SPECC1L: variants seen among roughly 807,000 people sequenced by gnomAD.
The protein encoded by SPECC1L is cytospin-A.
A neutral mutation model predicts 116.8 loss-of-function variants in SPECC1L; 40 were observed. The observed-to-expected ratio is 0.34, with a 90% confidence interval of 0.27 to 0.45. The LOEUF is 0.45. SPECC1L is among the 20% of genes least tolerant of loss of function. The pLI is 1.00. For missense variants in SPECC1L, 1,110 were observed against 1,373.6 expected, an observed-to-expected ratio of 0.81 and a Z score of 3.03; for synonymous variants, 504 against 500.6, an observed-to-expected ratio of 1.01 and a Z score of -0.09.
intron 1 of SPECC1L, 142 bp from the exon 2 acceptor site, chr22:24,276,558 A>T: frequency 3.5e-6 from 1 of 287,182 alleles, no homozygotes; most frequent in Non-Finnish European, 6.9e-6. Flanking sequence ...TCTTGAGCCT[A>T]GGAGTTTGAG....
chr22:24,324,092 A>G, intron 5 of SPECC1L, 128 bp from the exon 6 acceptor site: 1 of 748,694 alleles, frequency 1.3e-6, no homozygotes, highest in Non-Finnish European at 2.4e-6. Context: ...GTTATTACAC[A>G]GGTTGTTTTA....
intron 16 of SPECC1L, among the ~76,000 whole-genome samples, chr22:24,412,918 C>T (rs1180143845): frequency 1.7e-5 from 1 of 58,322 alleles, no homozygotes; most frequent in East Asian, 6.7e-4. Flanking sequence ...TTTTATCTCA[C>T]GTGAAACACC....
At chr22:24,316,480 C>G (rs1213817380) in intron 4 of SPECC1L, among the ~76,000 whole-genome samples, 4 of 151,306 alleles carry the variant, frequency 2.6e-5, no homozygotes, top group African/African-American at 9.8e-5. Flanking sequence ...GGTGATGACT[C>G]TGAACGAGCA....
At chr22:24,360,313 A>G (rs1363063375) in intron 11 of SPECC1L, among the ~76,000 whole-genome samples, 3 of 152,242 alleles carry the variant, frequency 2.0e-5, no homozygotes, top group Non-Finnish European at 4.4e-5. Context: ...TGATTCTCAC[A>G]GTGGAAATAC....
At chr22:24,309,457 G>T (rs1281860499) in intron 3 of SPECC1L, among the ~76,000 whole-genome samples, 1 of 152,136 alleles carries the variant, frequency 6.6e-6, no homozygotes, top group Non-Finnish European at 1.5e-5. Flanking sequence ...CTGGAGTACA[G>T]TGGCGAGATC....
chr22:24,334,271 C>A, intron 8 of SPECC1L, 139 bp from the exon 9 acceptor site: 1 of 814,964 alleles, frequency 1.2e-6, no homozygotes. Context: ...CTCGGCCTCC[C>A]AAAGTGCTGG....
chr22:24,299,339 AG>A (rs1205429266), intron 2 of SPECC1L, among the ~76,000 whole-genome samples: 1 of 152,132 alleles, frequency 6.6e-6, no homozygotes, highest in Admixed American at 6.5e-5. Context: ...CGGGAGGCTG[AG>A]GTGGCAGGAT....
Position 24,321,277 on chromosome 22 carries a change from T to G in SPECC1L, c.308-11T>G. 6.2e-7 allele frequency: 1 copy of G among 1,613,256 alleles called. No individual in the cohort carries two copies. The highest frequency in any genetic ancestry group is 8.5e-7 in the Non-Finnish European group (1 of 1,180,022). On this transcript the variant is annotated splice_polypyrimidine_tract_variant and intron_variant, in intron 4 of 16. Transcript: ENST00000314328. Reference sequence around the variant, plus strand: ...CATTTTTGCCTTACATTTTTTGTATTAAACACATAGGCACAGCTTCTTCAA... The same window carrying G: ...CATTTTTGCCTTACATTTTTTGTATGAAACACATAGGCACAGCTTCTTCAA...
At chr22:24,280,785 G>C (rs1286068307) in intron 2 of SPECC1L, among the ~76,000 whole-genome samples, 6 of 151,868 alleles carry the variant, frequency 4.0e-5, no homozygotes, top group Admixed American at 3.9e-4. Context: ...CACCATGTTG[G>C]CCAGGCTGGT....
intron 2 of SPECC1L, among the ~76,000 whole-genome samples, chr22:24,290,353 C>G (rs574166601): frequency 6.6e-6 from 1 of 152,302 alleles, no homozygotes; most frequent in African/African-American, 2.4e-5. Context: ...GGAGGTAGAT[C>G]TGGATGCCAT....
Position 24,413,077 on chromosome 22 carries a change from AAC to A in SPECC1L, c.3264+373_3264+374del, listed in dbSNP as rs2042731740. Among the ~76,000 whole-genome samples the A allele has an allele frequency of 2.0e-5, 3 of 152,274 alleles. No homozygotes were observed. In the South Asian group the frequency reaches 6.2e-4, roughly 32 times the overall value. On this transcript the variant is annotated intron_variant, in intron 16 of 16. Transcript: ENST00000314328. ...TATGTTTATAAATCTCGCTGTCAAA[AAC>A]ACCACACCAGCAGGTCCATCTGCCT... is the stretch of plus-strand genomic sequence containing the variant.
chr22:24,377,044 A>G (rs920929675), intron 14 of SPECC1L, among the ~76,000 whole-genome samples: 1 of 152,104 alleles, frequency 6.6e-6, no homozygotes, highest in Non-Finnish European at 1.5e-5. Flanking sequence ...CCACTAATCT[A>G]CTTTCTGTCC....
chr22:24,285,151 G>A (rs758678371), intron 2 of SPECC1L, among the ~76,000 whole-genome samples: 1 of 152,180 alleles, frequency 6.6e-6, no homozygotes, highest in Non-Finnish European at 1.5e-5. Context: ...TGCTTAAGTC[G>A]GAGTGGAAGC....
chr22:24,316,388 C>A (rs1200880364), intron 4 of SPECC1L, among the ~76,000 whole-genome samples: 1 of 150,606 alleles, frequency 6.6e-6, no homozygotes, highest in African/African-American at 2.5e-5. Context: ...AACAAGTGAA[C>A]AAAGGTCTCT....
At chr22:24,297,968 AT>A (rs1168161573) in intron 2 of SPECC1L, among the ~76,000 whole-genome samples, 10 of 152,098 alleles carry the variant, frequency 6.6e-5, no homozygotes, top group African/African-American at 2.4e-4. Flanking sequence ...ATTATTAGTT[AT>A]TGTTGTTAAT....
At chr22:24,300,792 G>C (rs2049361835) in intron 2 of SPECC1L, among the ~76,000 whole-genome samples, 1 of 152,142 alleles carries the variant, frequency 6.6e-6, no homozygotes, top group Non-Finnish European at 1.5e-5. Context: ...GAACAGAACA[G>C]AGACCTCAGA....
At chr22:24,344,513 A>G (rs748721947) in intron 10 of SPECC1L, among the ~76,000 whole-genome samples, 16 of 151,628 alleles carry the variant, frequency 1.1e-4, no homozygotes, top group Non-Finnish European at 2.1e-4. Context: ...CAGGATCAGG[A>G]GCAAGGTAAG....
chr22:24,359,362 C>T (rs1375685677), intron 11 of SPECC1L, among the ~76,000 whole-genome samples: 1 of 152,212 alleles, frequency 6.6e-6, no homozygotes, highest in Non-Finnish European at 1.5e-5. Context: ...TCTGCACTCT[C>T]TCTCTCATTG....
At chr22:24,350,966 C>T (rs957488427) in intron 11 of SPECC1L, among the ~76,000 whole-genome samples, 1 of 152,214 alleles carries the variant, frequency 6.6e-6, no homozygotes, top group African/African-American at 2.4e-5. Context: ...CATCAGAGGA[C>T]AGTGACGCTC....
Sources: gnomAD v4.1 joint callset for allele counts (sites outside exome capture counted in the v4.1 genomes callset) on GRCh38, gnomAD v4.1.1 for gene constraint, MANE v1.5 for transcripts, NCBI Gene and HGNC (gene_info 2026-07-23, HGNC 2026-07-21) for gene names.